The following KCNIP4 variants were observed in gnomAD, a reference collection of about 807,000 sequenced individuals.
The protein encoded by KCNIP4 is Kv channel-interacting protein 4.
A neutral mutation model predicts 34.0 loss-of-function variants in KCNIP4; 12 were observed. The observed-to-expected ratio is 0.35, with a 90% CI of 0.23 to 0.57. The LOEUF (loss-of-function observed/expected upper bound fraction) is 0.57. Ranked by LOEUF, KCNIP4 falls within the 20% of genes least tolerant of loss-of-function variation. The pLI, the probability that KCNIP4 is intolerant of heterozygous loss-of-function variation, is 0.83. For synonymous variants in KCNIP4, 124 were observed against 102.2 expected, an observed-to-expected ratio of 1.21 and a Z score of -1.29; for missense variants, 238 against 311.7, an observed-to-expected ratio of 0.76 and a Z score of 1.78.
intron 1 of KCNIP4, among the ~76,000 whole-genome samples, chr4:21,728,476 A>G (rs560970817): frequency 6.6e-6 from 1 of 152,224 alleles, no homozygotes; most frequent in African/African-American, 2.4e-5. Flanking sequence ...CCTCTTCACT[A>G]GGTGTCTGCT....
intron 1 of KCNIP4, among the ~76,000 whole-genome samples, chr4:21,934,446 C>G (rs1370048444): frequency 6.6e-6 from 1 of 152,080 alleles, no homozygotes; most frequent in African/African-American, 2.4e-5. Flanking sequence ...TCACTTCCCA[C>G]CAGGCTCCAC....
At chr4:20,738,605 T>C (rs896521838) in intron 5 of KCNIP4, among the ~76,000 whole-genome samples, 1 of 152,184 alleles carries the variant, frequency 6.6e-6, no homozygotes, top group Non-Finnish European at 1.5e-5. Flanking sequence ...GATTTAAAGA[T>C]AGCACTTTTG....
chr4:21,745,949 G>A (rs536720888), intron 1 of KCNIP4, among the ~76,000 whole-genome samples: 1 of 152,256 alleles, frequency 6.6e-6, no homozygotes, highest in South Asian at 2.1e-4. Flanking sequence ...AACAGACTGA[G>A]GGGCTTACAC....
At chr4:21,703,615 G>T (rs906059567) in intron 1 of KCNIP4, among the ~76,000 whole-genome samples, 4 of 152,054 alleles carry the variant, frequency 2.6e-5, no homozygotes, top group African/African-American at 9.6e-5. Context: ...GAACATATGG[G>T]CACTAAAATT....
intron 5 of KCNIP4, among the ~76,000 whole-genome samples, chr4:20,743,758 A>G (rs1458856457): frequency 6.6e-6 from 1 of 152,196 alleles, no homozygotes; most frequent in East Asian, 1.9e-4. Context: ...ACAAAAGCCA[A>G]AATTGACAAA....
At position 20,898,450 on chromosome 4, in the gene KCNIP4, T is replaced by G. The variant is rs551888250; in HGVS notation, c.62-15741A>C. On this transcript the variant is annotated intron_variant, in intron 1 of 8. Coordinates refer to ENST00000382152, the MANE Select transcript of KCNIP4 (RefSeq NM_025221.6). ...CACTAACAATGAATGAAGGGGATATTATTAATAATGATATCCAGACACTTG... is the reference window on the plus strand; with the variant it reads ...CACTAACAATGAATGAAGGGGATATGATTAATAATGATATCCAGACACTTG... 7.9e-5 allele frequency among the ~76,000 whole-genome samples: 12 copies of G among 152,296 alleles called. No individual in the cohort carries two copies. The East Asian group carries it at 1.9e-3, about 25-fold the overall frequency.
intron 1 of KCNIP4, among the ~76,000 whole-genome samples, chr4:21,855,454 T>TA (rs1156562597): frequency 5.3e-5 from 8 of 152,148 alleles, no homozygotes; most frequent in African/African-American, 1.9e-4. Flanking sequence ...GATTGAAAAA[T>TA]AAAAAGTGAG....
At chr4:20,769,520 GA>G (rs991307413) in intron 3 of KCNIP4, among the ~76,000 whole-genome samples, 2 of 151,898 alleles carry the variant, frequency 1.3e-5, no homozygotes, top group African/African-American at 4.8e-5. Flanking sequence ...CCATTTAGTG[GA>G]AAAAAAAGAC....
At chr4:21,270,180 C>T (rs1205041239) in intron 1 of KCNIP4, among the ~76,000 whole-genome samples, 1 of 152,104 alleles carries the variant, frequency 6.6e-6, no homozygotes, top group Non-Finnish European at 1.5e-5. Flanking sequence ...ACAATGGTTC[C>T]CAACCATTTC....
chr4:21,108,824 C>T (rs1748842198), intron 1 of KCNIP4, among the ~76,000 whole-genome samples: 1 of 152,146 alleles, frequency 6.6e-6, no homozygotes, highest in Admixed American at 6.5e-5. Flanking sequence ...ACAGACAGGA[C>T]CCTCAGCTGC....
At position 20,780,153 on chromosome 4, in the gene KCNIP4, T is replaced by G. The variant is rs190500658; in HGVS notation, c.289-21263A>C. ...TAAGAAGGGCTGGTGATCCCAAAGG[T>G]CTTGCTTGCAGAATCAATGAGCAGA... On this transcript the variant is annotated intron_variant, in intron 3 of 8. Transcript: ENST00000382152. Among the ~76,000 whole-genome samples the G allele has an allele frequency of 9.8e-4, 149 of 152,250 alleles. 4 individuals carry two copies. The highest frequency in any genetic ancestry group is 9.6e-3 in the Admixed American group (147 of 15,294).
chr4:21,696,945 A>T lies in KCNIP4; in HGVS notation c.61+251626T>A, dbSNP rs181874772. 9.2e-5 allele frequency among the ~76,000 whole-genome samples: 14 copies of T among 152,268 alleles called. No individual in the cohort carries two copies. The East Asian group carries it at 2.1e-3, about 23-fold the overall frequency. On this transcript the variant is annotated intron_variant, in intron 1 of 8. Coordinates refer to ENST00000382152, the MANE Select transcript of KCNIP4 (RefSeq NM_025221.6). ...CATGGGAAATAATCTATGGATTACA[A>T]TAATCAAACAGTTCTAGAGAATTTC... is the stretch of plus-strand genomic sequence containing the variant.
intron 1 of KCNIP4, among the ~76,000 whole-genome samples, chr4:21,195,788 C>T (rs1440121249): frequency 6.6e-6 from 1 of 152,162 alleles, no homozygotes; most frequent in Non-Finnish European, 1.5e-5. Flanking sequence ...TGCAATGGCT[C>T]ATTAAGAATG....
chr4:21,306,915 T>C (rs1393305774), intron 1 of KCNIP4, among the ~76,000 whole-genome samples: 1 of 151,910 alleles, frequency 6.6e-6, no homozygotes, highest in East Asian at 1.9e-4. Context: ...CTCCGTCTCC[T>C]GGGTTCAAGC....
intron 1 of KCNIP4, among the ~76,000 whole-genome samples, chr4:21,760,564 G>A (rs1021358511): frequency 2.6e-5 from 4 of 152,008 alleles, no homozygotes; most frequent in Non-Finnish European, 4.4e-5. Context: ...AATGTGAAAT[G>A]CAGAATTCGG....
intron 1 of KCNIP4, among the ~76,000 whole-genome samples, chr4:21,831,954 C>T (rs1285924137): frequency 1.3e-5 from 2 of 151,990 alleles, no homozygotes; most frequent in Non-Finnish European, 2.9e-5. Context: ...GATCATATAC[C>T]AGAAATCCCT....
intron 1 of KCNIP4, among the ~76,000 whole-genome samples, chr4:21,259,658 G>A (rs775537895): frequency 6.6e-6 from 1 of 152,152 alleles, no homozygotes; most frequent in South Asian, 2.1e-4. Flanking sequence ...ATGAAGAAAA[G>A]CATTACCTTT....
Position 21,519,549 on chromosome 4 carries a change from T to TGTGTGTATGTGTATGTGTATATACAC in KCNIP4, c.61+429021_61+429022insGTGTATATACACATACACATACACAC, listed in dbSNP as rs1560479980. Among the ~76,000 whole-genome samples, 12 of 35,168 alleles carry TGTGTGTATGTGTATGTGTATATACAC rather than the reference T, an allele frequency of 3.4e-4. 1 individual carries two copies. The highest frequency in any genetic ancestry group is 5.5e-4 in the African/African-American group (6 of 10,874). The allele number at this position is 35,168 out of a possible 152,430, so 23.1% of individuals were successfully genotyped here. A position where few individuals can be genotyped will look rare whatever the true frequency, so the allele number is the denominator to read the frequency against. ...GTGTATGTGTATGTGTATATACACA[T>TGTGTGTATGTGTATGTGTATATACAC]ATGTGTGTATGTGTATATATACACA... On this transcript the variant is annotated intron_variant, in intron 1 of 8. Coordinates refer to ENST00000382152, the MANE Select transcript of KCNIP4 (RefSeq NM_025221.6).
chr4:21,466,187 T>TA (rs1412822934), intron 1 of KCNIP4, among the ~76,000 whole-genome samples: 59 of 152,112 alleles, frequency 3.9e-4, no homozygotes, highest in African/African-American at 1.1e-3. Context: ...TTCAGGGTAT[T>TA]AAAATCCCAA....
Sources: gnomAD v4.1 joint callset for allele counts (sites outside exome capture counted in the v4.1 genomes callset) on GRCh38, gnomAD v4.1.1 for gene constraint, MANE v1.5 for transcripts, NCBI Gene and HGNC (gene_info 2026-07-23, HGNC 2026-07-21) for gene names.